Variants in CPQ observed in about 807,000 individuals in gnomAD.
CPQ encodes the protein Ser-Met dipeptidase.
CPQ carries 37 observed loss-of-function variants against 45.7 expected under a neutral mutation model. The observed-to-expected ratio is 0.81, with a 90% CI of 0.62 to 1.07. The LOEUF (loss-of-function observed/expected upper bound fraction) is 1.07, where lower values mean the gene tolerates loss of function less well. Ranked by LOEUF, CPQ falls within the 50% of genes least tolerant of loss-of-function variation. The pLI is 0.00. For missense variants in CPQ, 537 were observed against 572.9 expected, an observed-to-expected ratio of 0.94 and a Z score of 0.64; for synonymous variants, 186 against 205.8, an observed-to-expected ratio of 0.90 and a Z score of 0.82.
intron 1 of CPQ, among the ~76,000 whole-genome samples, chr8:96,701,548 A>C (rs1389988499): frequency 6.6e-6 from 1 of 152,076 alleles, no homozygotes; most frequent in Non-Finnish European, 1.5e-5. Context: ...GATTAAATGT[A>C]TCTAACTGGA....
intron 3 of CPQ, among the ~76,000 whole-genome samples, chr8:96,850,182 AGAGT>A (rs1294279298): frequency 9.2e-5 from 14 of 152,218 alleles, no homozygotes; most frequent in Non-Finnish European, 2.1e-4. Context: ...GGCTTTTAGC[AGAGT>A]GAACTGTTTC....
At chr8:97,096,028 TTCCA>T (rs1563578878) in intron 7 of CPQ, among the ~76,000 whole-genome samples, 1 of 152,072 alleles carries the variant, frequency 6.6e-6, no homozygotes, top group Non-Finnish European at 1.5e-5. Flanking sequence ...ATCAACAAAT[TTCCA>T]GTGAAATTAT....
At chr8:96,924,493 T>C (rs1333571241) in intron 4 of CPQ, among the ~76,000 whole-genome samples, 2 of 152,210 alleles carry the variant, frequency 1.3e-5, no homozygotes, top group African/African-American at 4.8e-5. Flanking sequence ...TTATTATCTA[T>C]CATTTGAAAA....
intron 2 of CPQ, among the ~76,000 whole-genome samples, chr8:96,821,378 G>GA (rs1811306212): frequency 2.6e-5 from 4 of 151,418 alleles, no homozygotes; most frequent in African/African-American, 9.7e-5. Flanking sequence ...CAATGTTCTG[G>GA]GACATTTCTC....
intron 6 of CPQ, among the ~76,000 whole-genome samples, chr8:97,034,173 C>A (rs1465116560): frequency 1.3e-5 from 2 of 152,100 alleles, no homozygotes; most frequent in Non-Finnish European, 2.9e-5. Context: ...TAAAACACTT[C>A]AAGGAAACAA....
chr8:96,732,406 G>C (rs1586377488), intron 1 of CPQ: 2 of 152,148 alleles, frequency 1.3e-5, no homozygotes, highest in African/African-American at 4.8e-5. Flanking sequence ...TAGGTGCTTA[G>C]GCCAATTAAG....
intron 3 of CPQ, among the ~76,000 whole-genome samples, chr8:96,864,144 G>A (rs1811965728): frequency 6.6e-6 from 1 of 152,010 alleles, no homozygotes; most frequent in Non-Finnish European, 1.5e-5. Context: ...CAAAAGGAAG[G>A]TTTGGAAGAG....
chr8:96,967,996 T>A (rs1030858468), intron 5 of CPQ, among the ~76,000 whole-genome samples: 1 of 152,258 alleles, frequency 6.6e-6, no homozygotes, highest in Non-Finnish European at 1.5e-5. Flanking sequence ...TTAACTTTTA[T>A]AACTTAACTT....
chr8:96,945,665 A>G (rs1433864941), intron 4 of CPQ, among the ~76,000 whole-genome samples: 4 of 152,074 alleles, frequency 2.6e-5, no homozygotes, highest in Non-Finnish European at 4.4e-5. Flanking sequence ...TGAAGTTGGA[A>G]GAATTACAAC....
intron 1 of CPQ, among the ~76,000 whole-genome samples, chr8:96,735,180 A>T (rs1048915532): frequency 3.3e-5 from 5 of 152,148 alleles, no homozygotes; most frequent in Admixed American, 2.6e-4. Flanking sequence ...TTAGTATATT[A>T]TCTGTCTCCA....
At chr8:96,912,565 A>G (rs574939347) in intron 4 of CPQ, among the ~76,000 whole-genome samples, 3 of 152,296 alleles carry the variant, frequency 2.0e-5, no homozygotes, top group South Asian at 4.1e-4. Context: ...TTATTTTTTC[A>G]TAGATGTATT....
chr8:96,987,774 ATATT>A (rs1809016711), intron 5 of CPQ, among the ~76,000 whole-genome samples: 1 of 152,314 alleles, frequency 6.6e-6, no homozygotes, highest in African/African-American at 2.4e-5. Context: ...TGATATACAC[ATATT>A]TAAAGTGACA....
intron 1 of CPQ, among the ~76,000 whole-genome samples, chr8:96,693,785 G>C (rs111972481): frequency 0.024 from 3,690 of 152,192 alleles, 166 homozygotes; most frequent in African/African-American, 0.084. Flanking sequence ...AAAGGACTCA[G>C]TGGTTATAGT....
intron 2 of CPQ, among the ~76,000 whole-genome samples, chr8:96,790,406 AT>A (rs1287621952): frequency 6.6e-6 from 1 of 152,108 alleles, no homozygotes; most frequent in Non-Finnish European, 1.5e-5. Flanking sequence ...GAGTCTTAGT[AT>A]TCTTGATGGC....
chr8:96,647,062 A>G (rs1286960679), intron 1 of CPQ, among the ~76,000 whole-genome samples: 2 of 152,080 alleles, frequency 1.3e-5, no homozygotes, highest in East Asian at 1.9e-4. Context: ...CTGCATCACT[A>G]TTTCTTCGCA....
intron 5 of CPQ, among the ~76,000 whole-genome samples, chr8:96,979,261 T>C (rs1013612479): frequency 3.3e-5 from 5 of 152,168 alleles, no homozygotes; most frequent in African/African-American, 1.2e-4. Flanking sequence ...TTAAGCATGA[T>C]AGGACTTCTT....
At chr8:96,883,593 G>A (rs1373371377) in intron 4 of CPQ, among the ~76,000 whole-genome samples, 1 of 152,186 alleles carries the variant, frequency 6.6e-6, no homozygotes, top group Non-Finnish European at 1.5e-5. Context: ...GTTTTGTGGA[G>A]GGAATCTGCA....
At chr8:97,030,199 C>T (rs776314255) in intron 6 of CPQ, among the ~76,000 whole-genome samples, 12 of 152,276 alleles carry the variant, frequency 7.9e-5, no homozygotes, top group East Asian at 1.9e-4. Context: ...AAAATCAACG[C>T]GCATATGCTG....
intron 2 of CPQ, among the ~76,000 whole-genome samples, chr8:96,826,790 C>T (rs115950465): frequency 0.022 from 3,363 of 152,076 alleles, 133 homozygotes; most frequent in African/African-American, 0.077. Flanking sequence ...GTACTCCACT[C>T]CTCAACAGGC....
Sources: gnomAD v4.1 joint callset for allele counts (sites outside exome capture counted in the v4.1 genomes callset) on GRCh38, gnomAD v4.1.1 for gene constraint, MANE v1.5 for transcripts, NCBI Gene and HGNC (gene_info 2026-07-23, HGNC 2026-07-21) for gene names.